The following PCDHGA3 variants were observed in gnomAD, a reference collection of about 807,000 sequenced individuals.
PCDHGA3 encodes protocadherin gamma subfamily A, 3, also known as protocadherin gamma-A3.
In PCDHGA3, 40 loss-of-function variants were observed where a neutral mutation model predicts 58.5. The ratio of observed to expected loss-of-function variants is 0.68; its 90% CI spans 0.53 to 0.89. The LOEUF (loss-of-function observed/expected upper bound fraction) is 0.89. Among genes scored for constraint, PCDHGA3 ranks in the 40% least tolerant of loss-of-function variants. The probability of loss-of-function intolerance (pLI) is 0.00; values close to 1 mark genes in which losing one functional copy is unlikely to be tolerated. For missense variants in PCDHGA3, 1,223 were observed against 1,195.9 expected, an observed-to-expected ratio of 1.02 and a Z score of -0.33; for synonymous variants, 530 against 525.7, an observed-to-expected ratio of 1.01 and a Z score of -0.11.
intron 1 of PCDHGA3, chr5:141,403,542 A>T (rs561106024): frequency 1.2e-6 from 2 of 1,613,990 alleles, no homozygotes; most frequent in East Asian, 4.5e-5. Context: ...CTGGTGCTGG[A>T]GCGCGCCCTG....
chr5:141,403,607 G>A (rs2094432931), intron 1 of PCDHGA3: 6 of 1,613,854 alleles, frequency 3.7e-6, no homozygotes, highest in Non-Finnish European at 5.1e-6. Flanking sequence ...GGATGGCGGC[G>A]AGCCGCGTCG....
intron 1 of PCDHGA3, chr5:141,408,083 C>A: frequency 7.1e-7 from 1 of 1,414,576 alleles, no homozygotes; most frequent in Non-Finnish European, 9.3e-7. Flanking sequence ...CCCAGCACAG[C>A]GGATTGCCAG....
intron 1 of PCDHGA3, among the ~76,000 whole-genome samples, chr5:141,444,192 A>ATT: frequency 1.9e-5 from 1 of 52,730 alleles, no homozygotes; most frequent in African/African-American, 7.7e-5. Flanking sequence ...TTTTTTTGAG[A>ATT]TGGAGTTTCA....
intron 1 of PCDHGA3, among the ~76,000 whole-genome samples, chr5:141,363,225 C>A (rs1260243395): frequency 2.0e-5 from 3 of 152,330 alleles, no homozygotes; most frequent in African/African-American, 7.2e-5. Context: ...ATCTTACAAC[C>A]TATGTTCACA....
At chr5:141,457,469 AG>A (rs1170841505) in intron 1 of PCDHGA3, among the ~76,000 whole-genome samples, 1 of 152,226 alleles carries the variant, frequency 6.6e-6, no homozygotes, top group Non-Finnish European at 1.5e-5. Context: ...CACAGGAATA[AG>A]CAGGGCCAGG....
rs1778279940 is a variant in PCDHGA3, at chr5:141,382,546, G to A, written c.2424+36089G>A. Among the ~76,000 whole-genome samples the A allele has an allele frequency of 5.3e-5, 8 of 152,162 alleles. No homozygotes were observed. In the South Asian group the frequency reaches 1.4e-3, roughly 28 times the overall value. The stretch of plus-strand genomic sequence containing the variant: ...TCTTAAAATGGATTTTTAATTATCA[G>A]GGATATCTAGAGCAAAGAAATCTAA... On this transcript the variant is annotated intron_variant, in intron 1 of 3. Coordinates refer to ENST00000253812, the MANE Select transcript of PCDHGA3 (RefSeq NM_018916.4).
Position 141,344,824 on chromosome 5 carries a change from T to C in PCDHGA3, c.791T>C (p.Val264Ala), listed in dbSNP as rs755674373. 6.2e-6 allele frequency: 10 copies of C among 1,613,956 alleles called. No homozygotes were observed. The highest frequency in any genetic ancestry group is 8.5e-6 in the Non-Finnish European group (10 of 1,179,884). Residue 264 changes from valine (V) to alanine (A), a missense_variant, in exon 1 of 4, where the codon GTG (valine) becomes GCG (alanine). Coordinates refer to ENST00000253812, the MANE Select transcript of PCDHGA3 (RefSeq NM_018916.4). ...CCTGTGGGTACCCGGCTGCTCACGG[T>C]GAATGCCACTGACCCTGACGAGGGA... ...NVPVGTRLLT[V>A]NATDPDEGFN...
intron 1 of PCDHGA3, chr5:141,471,553 TG>T (rs1217142933): frequency 6.6e-6 from 1 of 152,224 alleles, no homozygotes; most frequent in African/African-American, 2.4e-5. Flanking sequence ...AAGGTTGCTT[TG>T]ACTCAGGGGT....
chr5:141,400,793 C>T, intron 1 of PCDHGA3: 2 of 561,880 alleles, frequency 3.6e-6, no homozygotes, highest in Admixed American at 3.5e-5. Context: ...TGTCCTCTTT[C>T]TCAAAGCTAA....
In PCDHGA3 at chr5:141,375,764, G is replaced by A. The variant is rs746447899; in HGVS notation, c.2424+29307G>A. 1.7e-5 allele frequency: 27 copies of A among 1,614,116 alleles called. No individual in the cohort carries two copies. The highest frequency in any genetic ancestry group is 2.0e-5 in the Non-Finnish European group (24 of 1,180,044). ...GCTGGACCAGAATGACAATGCGCCCGAGATCCTGTACCCCGCCCTCCCCAC... is the reference window on the plus strand; with the variant it reads ...GCTGGACCAGAATGACAATGCGCCCAAGATCCTGTACCCCGCCCTCCCCAC... On this transcript the variant is annotated intron_variant, in intron 1 of 3. Transcript: ENST00000253812.
chr5:141,400,254 G>C, intron 1 of PCDHGA3: 1 of 1,613,980 alleles, frequency 6.2e-7, no homozygotes. Flanking sequence ...CCGTTGCCTT[G>C]CGCCTGCGAC....
At chr5:141,371,572 A>C (rs913644689) in intron 1 of PCDHGA3, 1 of 1,613,960 alleles carries the variant, frequency 6.2e-7, no homozygotes, top group Middle Eastern at 1.6e-4. Context: ...TTCCCCTTTA[A>C]AATCGTTCAA....
At chr5:141,426,810 C>T (rs769435523) in intron 1 of PCDHGA3, 4 of 456,568 alleles carry the variant, frequency 8.8e-6, no homozygotes, top group Non-Finnish European at 1.8e-5. Flanking sequence ...TTCTAATGAA[C>T]ATTTCTCTCT....
chr5:141,405,797 T>C (rs1589594153), intron 1 of PCDHGA3, among the ~76,000 whole-genome samples: 1 of 148,508 alleles, frequency 6.7e-6, no homozygotes, highest in Non-Finnish European at 1.5e-5. Flanking sequence ...CTATTATAGT[T>C]AGCTTTCTCT....
At chr5:141,447,837 G>A (rs952923627) in intron 1 of PCDHGA3, among the ~76,000 whole-genome samples, 10 of 152,170 alleles carry the variant, frequency 6.6e-5, no homozygotes, top group African/African-American at 2.4e-4. Flanking sequence ...TGTAATCCCA[G>A]TGCTTTGGGA....
chr5:141,438,754 T>C (rs1213047429), intron 1 of PCDHGA3, among the ~76,000 whole-genome samples: 3 of 148,368 alleles, frequency 2.0e-5, no homozygotes, highest in African/African-American at 5.0e-5. Context: ...CTCTGCCTCC[T>C]GGGTTCAAGC....
At chr5:141,374,208 G>C in intron 1 of PCDHGA3, 1 of 1,613,952 alleles carries the variant, frequency 6.2e-7, no homozygotes, top group Non-Finnish European at 8.5e-7. Context: ...CTGGAGAAAG[G>C]CTCCTTCGTA....
At chr5:141,365,959 C>A in intron 1 of PCDHGA3, 1 of 1,614,262 alleles carries the variant, frequency 6.2e-7, no homozygotes, top group Non-Finnish European at 8.5e-7. Context: ...CTCCACTTAG[C>A]AGCAACGTGT....
chr5:141,432,560 A>C lies in PCDHGA3; in HGVS notation c.2425-62247A>C. The C allele has an allele frequency of 2.5e-6, 4 of 1,613,600 alleles. No individual in the cohort carries two copies. Among genetic ancestry groups the C allele is most frequent in the Non-Finnish European group, 3.4e-6 (4 of 1,179,962 alleles). ...GGCGGTGGACAGAGACTCCGGCCAG[A>C]ACGCCTGGCTGTCCTACCGTCTGCT... On this transcript the variant is annotated intron_variant, in intron 1 of 3. Transcript: ENST00000253812. The surrounding 1 kb of genome is among the most constrained non-coding windows in gnomAD (Gnocchi z 6.0).
Sources: gnomAD v4.1 joint callset for allele counts (sites outside exome capture counted in the v4.1 genomes callset) on GRCh38, gnomAD v4.1.1 for gene constraint, Gnocchi (gnomAD v3.1) non-coding constraint, MANE v1.5 for transcripts, NCBI Gene and HGNC (gene_info 2026-07-23, HGNC 2026-07-21) for gene names.